The following SHANK2 variants were observed in gnomAD, a reference collection of about 807,000 sequenced individuals.
SHANK2 encodes SH3 and multiple ankyrin repeat domains protein 2.
In SHANK2, 43 loss-of-function variants were observed where a neutral mutation model predicts 133.7. The observed-to-expected ratio is 0.32, with a 90% CI of 0.25 to 0.41. The LOEUF (loss-of-function observed/expected upper bound fraction) is 0.41. SHANK2 is among the 10% of genes least tolerant of loss of function. The pLI is 1.00. For missense variants in SHANK2, 1,994 were observed against 2,235.8 expected (o/e 0.89, Z 2.18); for synonymous variants, 1,017 against 952.8 (o/e 1.07, Z -1.24).
chr11:70,804,755 T>C lies in SHANK2; in HGVS notation c.1663+2247A>G, dbSNP rs1377034328. On this transcript the variant is annotated intron_variant, in intron 13 of 25. Transcript: ENST00000601538. This position sits in a 1 kb window ranked among gnomAD's most constrained non-coding sequence, Gnocchi z 4.1. The stretch of plus-strand genomic sequence containing the variant: ...AGCTTCTGGGAATTAAGGTGTGAGA[T>C]GTGGATTCGCCTGCCATGTCCCAGG... 6.6e-6 allele frequency among the ~76,000 whole-genome samples: 1 copy of C among 152,154 alleles called. No individual in the cohort carries two copies. The highest frequency in any genetic ancestry group is 2.4e-5 in the African/African-American group (1 of 41,434).
chr11:70,488,999 C>A, intron 24 of SHANK2: 1 of 352,998 alleles, frequency 2.8e-6, no homozygotes, highest in South Asian at 2.6e-5. Flanking sequence ...ACGCGTGGCA[C>A]AGGGATTTCA....
chr11:70,727,006 C>T (rs1189441353), intron 14 of SHANK2, among the ~76,000 whole-genome samples: 3 of 152,256 alleles, frequency 2.0e-5, no homozygotes, highest in African/African-American at 4.8e-5. Flanking sequence ...ACAGAAGACC[C>T]TCCCTGCAGA....
At chr11:70,910,955 T>C (rs1024486143) in intron 10 of SHANK2, 1 of 456,640 alleles carries the variant, frequency 2.2e-6, no homozygotes, top group Non-Finnish European at 4.4e-6. Context: ...GTGCACATAA[T>C]TCGATTTTTG....
rs543772820 is a variant in SHANK2 at position 71,135,081 on chromosome 11, A to T, written c.207+12039T>A. Among the ~76,000 whole-genome samples the T allele has an allele frequency of 3.3e-5, 5 of 152,186 alleles. No homozygotes were observed. The East Asian group carries it at 9.7e-4, about 29-fold the overall frequency. On this transcript the variant is annotated intron_variant, in intron 3 of 25. Transcript: ENST00000601538. Reference sequence around the variant, plus strand: ...AGCCCTCAGCCTTCTCTGCTGAGCCAACACACCAAGTTTGTGCATACCTCA... The same window carrying T: ...AGCCCTCAGCCTTCTCTGCTGAGCCTACACACCAAGTTTGTGCATACCTCA...
chr11:70,686,421 C>T (rs1396031492), intron 15 of SHANK2, among the ~76,000 whole-genome samples: 11 of 151,632 alleles, frequency 7.3e-5, no homozygotes, highest in African/African-American at 2.7e-4. Flanking sequence ...TCCATCTACC[C>T]ATCCATCCAT....
chr11:70,902,961 G>A (rs1565395250), intron 10 of SHANK2, among the ~76,000 whole-genome samples: 4 of 152,164 alleles, frequency 2.6e-5, no homozygotes, highest in Non-Finnish European at 4.4e-5. Flanking sequence ...CTCTCCAGGA[G>A]ACAGCACGGC....
chr11:70,624,289 C>G (rs142338186), intron 17 of SHANK2, among the ~76,000 whole-genome samples: 2 of 152,072 alleles, frequency 1.3e-5, no homozygotes, highest in African/African-American at 4.8e-5. Context: ...CCCTCTCCCC[C>G]ATGGAGGAGG....
chr11:71,059,404 T>C (rs1053862544), intron 9 of SHANK2, among the ~76,000 whole-genome samples: 1 of 152,002 alleles, frequency 6.6e-6, no homozygotes, highest in Non-Finnish European at 1.5e-5. Flanking sequence ...TGATGGTTGA[T>C]GGTGGTGATG....
intron 12 of SHANK2, among the ~76,000 whole-genome samples, chr11:70,814,059 C>T (rs1319405843): frequency 6.6e-6 from 1 of 152,190 alleles, no homozygotes; most frequent in African/African-American, 2.4e-5. Context: ...CATGGTGGCT[C>T]ACCCCTGTAA....
chr11:70,492,456 T>G lies in SHANK2; in HGVS notation c.2318A>C (p.Glu773Ala). The change falls in exon 22 of 26, where the codon GAG becomes GCG. Residue 773 changes from glutamate to alanine, a missense_variant. Transcript: ENST00000601538. ...ASVRKKKDKP[E>A]EIVPASKPSR... ...GGGCTTGGAGGCCGGGACTATCTCC[T>G]CGGGTTTATCTGCAATAGAACCGTG... 6.2e-7 allele frequency: 1 copy of G among 1,613,994 alleles called. No homozygotes were observed. Among genetic ancestry groups the G allele is most frequent in the Non-Finnish European group, 8.5e-7 (1 of 1,180,044 alleles).
At chr11:70,546,064 A>G (rs1175177277) in intron 17 of SHANK2, among the ~76,000 whole-genome samples, 2 of 151,700 alleles carry the variant, frequency 1.3e-5, no homozygotes, top group Non-Finnish European at 2.9e-5. Context: ...GAACCTCCCA[A>G]GCCTGGTTGT....
chr11:71,159,209 G>C (rs1555109506), intron 2 of SHANK2, among the ~76,000 whole-genome samples: 1 of 152,142 alleles, frequency 6.6e-6, no homozygotes, highest in African/African-American at 2.4e-5. Context: ...TCAAGATTCT[G>C]GGGAACAATC....
At chr11:70,940,965 G>C (rs1555084321) in intron 10 of SHANK2, among the ~76,000 whole-genome samples, 1 of 152,166 alleles carries the variant, frequency 6.6e-6, no homozygotes, top group Admixed American at 6.5e-5. Context: ...CACGGGACTG[G>C]CCTCTGCCCT....
intron 14 of SHANK2, among the ~76,000 whole-genome samples, chr11:70,772,355 G>A (rs542675965): frequency 1.7e-3 from 257 of 151,420 alleles, no homozygotes; most frequent in Non-Finnish European, 2.2e-3. Flanking sequence ...CAGGAGAATC[G>A]CTTGAACCCA....
rs200604911 is a variant in SHANK2, at chr11:70,487,491, G to A, written c.2802C>T (p.Pro934=). The A allele has an allele frequency of 2.2e-5, 36 of 1,613,954 alleles. No individual in the cohort carries two copies. The highest frequency in any genetic ancestry group is 1.1e-4 in the African/African-American group (8 of 74,974). Reference sequence around the variant, plus strand: ...TGGCCACGGTGTCGGACCTGGTGGCGGGGGACACCTTGGCGGCAGAATTCT... The same window carrying A: ...TGGCCACGGTGTCGGACCTGGTGGCAGGGGACACCTTGGCGGCAGAATTCT... ...FNQNSAAKVS[P]ATRSDTVATM... Residue 934 remains proline (P), a synonymous_variant, in exon 25 of 26, where the codon CCC becomes CCT. Coordinates refer to ENST00000601538, the MANE Select transcript of SHANK2 (RefSeq NM_012309.5). This position sits in a 1 kb window ranked among gnomAD's most constrained non-coding sequence, Gnocchi z 5.8.
At chr11:70,702,487 AC>A (rs1216456352) in intron 14 of SHANK2, among the ~76,000 whole-genome samples, 5 of 150,514 alleles carry the variant, frequency 3.3e-5, no homozygotes, top group Admixed American at 1.3e-4. Flanking sequence ...CATCATCATG[AC>A]CCCATCACCA....
At chr11:70,661,990 G>T in intron 15 of SHANK2, 1 of 622,686 alleles carries the variant, frequency 1.6e-6, no homozygotes, top group Non-Finnish European at 2.9e-6. Flanking sequence ...GAGGCTCAAG[G>T]GGGGCTGGCC....
intron 3 of SHANK2, among the ~76,000 whole-genome samples, chr11:71,126,216 CAAAAA>C (rs1170621448): frequency 4.2e-4 from 27 of 64,438 alleles, no homozygotes; most frequent in East Asian, 2.5e-3. Context: ...GACTCCGTCT[CAAAAA>C]AAAAAAAAAA....
At chr11:71,085,468 A>ATATAATATATATGT (rs1440185103) in intron 8 of SHANK2, among the ~76,000 whole-genome samples, 17 of 125,920 alleles carry the variant, frequency 1.4e-4, no homozygotes, top group African/African-American at 5.2e-4. Flanking sequence ...ATATATATAT[A>ATATAATATATATGT]TATATAATAT....
Sources: allele counts gnomAD v4.1 joint callset (sites outside exome capture counted in the v4.1 genomes callset), GRCh38; gene constraint gnomAD v4.1.1; non-coding constraint Gnocchi (gnomAD v3.1); transcripts MANE v1.5; gene names NCBI Gene and HGNC (gene_info 2026-07-23, HGNC 2026-07-21).